LHFPL3: variants seen among roughly 807,000 people sequenced by gnomAD.
The protein encoded by LHFPL3 is LHFPL tetraspan subfamily member 3 protein.
LHFPL3 carries 5 observed loss-of-function variants against 19.3 expected under a neutral mutation model. The ratio of observed to expected loss-of-function variants is 0.26; its 90% CI spans 0.14 to 0.54. LHFPL3 has a LOEUF of 0.54. Among genes scored for constraint, LHFPL3 ranks in the 20% least tolerant of loss-of-function variants. LHFPL3 has a pLI of 0.94. For missense variants in LHFPL3, 249 were observed against 307.4 expected (o/e 0.81, Z 1.42); for synonymous variants, 133 against 126.2 (o/e 1.05, Z -0.36).
At chr7:104,898,771 C>T (rs1296249553) in intron 2 of LHFPL3, among the ~76,000 whole-genome samples, 1 of 148,836 alleles carries the variant, frequency 6.7e-6, no homozygotes, top group East Asian at 2.0e-4. Flanking sequence ...AGCGGGCTGT[C>T]ATCTTGACAC....
At chr7:104,609,730 TAAAAC>T (rs1272775771) in intron 1 of LHFPL3, among the ~76,000 whole-genome samples, 1 of 152,208 alleles carries the variant, frequency 6.6e-6, no homozygotes, top group Non-Finnish European at 1.5e-5. Context: ...GAAAAATAGT[TAAAAC>T]AAAACTGTCT....
intron 1 of LHFPL3, among the ~76,000 whole-genome samples, chr7:104,605,308 T>C (rs1009463023): frequency 6.6e-6 from 1 of 152,100 alleles, no homozygotes; most frequent in African/African-American, 2.4e-5. Flanking sequence ...TTCTTACTAA[T>C]GAATAGAAAA....
intron 1 of LHFPL3, among the ~76,000 whole-genome samples, chr7:104,546,149 C>G (rs1289780466): frequency 3.3e-5 from 5 of 152,134 alleles, no homozygotes; most frequent in African/African-American, 1.2e-4. Flanking sequence ...AATAGTTTAA[C>G]TAACTTTCTG....
In LHFPL3 at chr7:104,385,521, G is replaced by A. The variant is rs534058188; in HGVS notation, c.445+56297G>A. Among the ~76,000 whole-genome samples, 5 of 152,300 alleles carry A rather than the reference G, an allele frequency of 3.3e-5. No homozygotes were observed. The East Asian group carries it at 9.6e-4, about 29-fold the overall frequency. On this transcript the variant is annotated intron_variant, in intron 1 of 2. Coordinates refer to ENST00000424859, the MANE Select transcript of LHFPL3 (RefSeq NM_199000.3). ...TTTGGCACCAGAGTAAAATCACCAAGATAATGATTGCCTCTCTAGAAGGCA... is the reference window on the plus strand; with the variant it reads ...TTTGGCACCAGAGTAAAATCACCAAAATAATGATTGCCTCTCTAGAAGGCA...
At chr7:104,356,078 A>G (rs1790268399) in intron 1 of LHFPL3, among the ~76,000 whole-genome samples, 1 of 152,246 alleles carries the variant, frequency 6.6e-6, no homozygotes, top group Non-Finnish European at 1.5e-5. Flanking sequence ...CATCAGTGAA[A>G]TGATTGTATT....
chr7:104,809,768 T>C (rs1290157723), intron 2 of LHFPL3, among the ~76,000 whole-genome samples: 2 of 152,244 alleles, frequency 1.3e-5, no homozygotes, highest in Non-Finnish European at 2.9e-5. Flanking sequence ...GTAGCTCAGA[T>C]ACCCTGGATT....
chr7:104,699,903 A>T (rs1311484207), intron 1 of LHFPL3, among the ~76,000 whole-genome samples: 3 of 152,092 alleles, frequency 2.0e-5, no homozygotes, highest in Non-Finnish European at 4.4e-5. Flanking sequence ...TCTGTCAGGG[A>T]TTGCTCCCAG....
At chr7:104,770,655 A>T (rs1794534796) in intron 2 of LHFPL3, among the ~76,000 whole-genome samples, 1 of 152,156 alleles carries the variant, frequency 6.6e-6, no homozygotes, top group African/African-American at 2.4e-5. Flanking sequence ...TCCCACACCC[A>T]TTGTGGACAT....
intron 1 of LHFPL3, among the ~76,000 whole-genome samples, chr7:104,384,536 C>T (rs1251205525): frequency 6.6e-6 from 1 of 151,972 alleles, no homozygotes; most frequent in Admixed American, 6.6e-5. Flanking sequence ...CCTGTAATCC[C>T]AGCACTTTGG....
chr7:104,871,247 T>C (rs1791830204), intron 2 of LHFPL3, among the ~76,000 whole-genome samples: 2 of 152,250 alleles, frequency 1.3e-5, no homozygotes, highest in Admixed American at 1.3e-4. Flanking sequence ...GGTATGCTAA[T>C]GTACTGAACA....
At chr7:104,543,751 T>A (rs1467086847) in intron 1 of LHFPL3, among the ~76,000 whole-genome samples, 1 of 99,248 alleles carries the variant, frequency 1.0e-5, no homozygotes, top group Non-Finnish European at 1.8e-5. Flanking sequence ...AACATCACAC[T>A]CTGGGGTCTG....
chr7:104,479,175 G>T (rs1793081723), intron 1 of LHFPL3, among the ~76,000 whole-genome samples: 1 of 152,160 alleles, frequency 6.6e-6, no homozygotes, highest in Admixed American at 6.5e-5. Context: ...AGAAAAGAGT[G>T]GGCTCAGTTT....
intron 1 of LHFPL3, among the ~76,000 whole-genome samples, chr7:104,559,852 C>A (rs1295415919): frequency 1.4e-5 from 2 of 144,122 alleles, no homozygotes; most frequent in Non-Finnish European, 3.0e-5. Context: ...TGAAATACGT[C>A]CCATCAATAC....
At chr7:104,433,057 T>A (rs997515361) in intron 1 of LHFPL3, among the ~76,000 whole-genome samples, 1 of 152,214 alleles carries the variant, frequency 6.6e-6, no homozygotes, top group African/African-American at 2.4e-5. Context: ...GAGCTTTGTT[T>A]ATATGGTTTA....
At chr7:104,681,763 G>A (rs892588403) in intron 1 of LHFPL3, among the ~76,000 whole-genome samples, 2 of 152,166 alleles carry the variant, frequency 1.3e-5, no homozygotes, top group African/African-American at 4.8e-5. Flanking sequence ...AGGTAGCAAA[G>A]GACTTTGTTC....
In LHFPL3 at chr7:104,345,704, A is replaced by C. The variant is rs561922073; in HGVS notation, c.445+16480A>C. Among the ~76,000 whole-genome samples the C allele has an allele frequency of 3.9e-5, 6 of 152,306 alleles. 1 individual carries two copies. The East Asian group carries it at 1.2e-3, about 29-fold the overall frequency. On this transcript the variant is annotated intron_variant, in intron 1 of 2. Transcript: ENST00000424859. ...TACATTCAATATATTTTTAATATTT[A>C]GTACTTTATATTCATTTTTTTCTGA...
intron 1 of LHFPL3, among the ~76,000 whole-genome samples, chr7:104,690,899 T>C (rs1036888099): frequency 6.6e-6 from 1 of 152,238 alleles, no homozygotes; most frequent in African/African-American, 2.4e-5. Flanking sequence ...TTGGGCCATA[T>C]GACCCAGCAG....
chr7:104,566,081 C>T (rs551120410), intron 1 of LHFPL3, among the ~76,000 whole-genome samples: 2 of 152,148 alleles, frequency 1.3e-5, no homozygotes, highest in East Asian at 3.9e-4. Flanking sequence ...GGCATGATGG[C>T]TCATACCTGT....
At chr7:104,616,815 C>T (rs900576979) in intron 1 of LHFPL3, among the ~76,000 whole-genome samples, 1 of 151,846 alleles carries the variant, frequency 6.6e-6, no homozygotes, top group Non-Finnish European at 1.5e-5. Context: ...GGAAAAAAAA[C>T]AATCCCATCA....
Sources: gnomAD v4.1 joint callset for allele counts (sites outside exome capture counted in the v4.1 genomes callset) on GRCh38, gnomAD v4.1.1 for gene constraint, MANE v1.5 for transcripts, NCBI Gene and HGNC (gene_info 2026-07-23, HGNC 2026-07-21) for gene names.